Variants in LTB4R2 observed in about 807,000 individuals in gnomAD.
LTB4R2 encodes the protein leukotriene B4 receptor 2, also known as LTB4 receptor JULF2.
LTB4R2 carries 6 observed loss-of-function variants against 5.3 expected under a neutral mutation model. The ratio of observed to expected loss-of-function variants is 1.14; its 90% CI spans 0.62 to 2.24. LTB4R2 has a LOEUF of 2.24. Among genes scored for constraint, LTB4R2 ranks in the 30% most tolerant of loss-of-function variants. LTB4R2 has a pLI of 0.00. For synonymous variants in LTB4R2, 310 were observed against 264.2 expected (o/e 1.17, Z -1.68); for missense variants, 560 against 521.5 (o/e 1.07, Z -0.72).
intron 1 of LTB4R2, 169 bp downstream of exon 1, chr14:24,310,424 G>T (rs2041652564): frequency 1.5e-6 from 1 of 658,200 alleles, no homozygotes; most frequent in South Asian, 1.6e-5. Flanking sequence ...CTCTGGGAAG[G>T]AGGCCAGGAG....
rs377045409 is a variant in LTB4R2 at position 24,311,643 on chromosome 14, C to G, written c.979C>G (p.Leu327Val). ...CCGCTCTAGGGAAGGGACCATGGAG[C>G]TCCGAACTACCCCTCAGCTGAAAGT... ...GGRSREGTME[L>V]RTTPQLKVVG... The change falls in exon 2 of 2, where the codon CTC becomes GTC. Residue 327 changes from leucine (L) to valine (V), a missense_variant. By Grantham distance (32) the Leu-to-Val change is conservative. Coordinates refer to ENST00000533293, the MANE Select transcript of LTB4R2 (RefSeq NM_019839.5). 6.3e-4 allele frequency: 1,017 copies of G among 1,613,378 alleles called. 18 individuals carry two copies. In the South Asian group the frequency reaches 9.9e-3, roughly 16 times the overall value.
rs201654980 is a variant in LTB4R2, at chr14:24,311,497, T to C, written c.833T>C (p.Phe278Ser). ...AARAGTTALAFFSSSVNPVLY... is the reference protein window; with the variant it reads ...AARAGTTALASFSSSVNPVLY... ...CGAGCGGGAACTACGGCCTTGGCCT[T>C]CTTCAGTTCTAGCGTCAACCCGGTG... Residue 278 changes from phenylalanine (F) to serine (S), a missense_variant, in exon 2 of 2, where the codon TTC becomes TCC. Coordinates refer to ENST00000533293, the MANE Select transcript of LTB4R2 (RefSeq NM_019839.5). 551 of 1,602,026 alleles carry C rather than the reference T, an allele frequency of 3.4e-4. 3 individuals are homozygous for C. Among genetic ancestry groups the C allele is most frequent in the Non-Finnish European group, 4.0e-5 (47 of 1,179,968 alleles).
chr14:24,310,847 G>C lies in LTB4R2; in HGVS notation c.183G>C (p.Val61=), dbSNP rs781057522. The C allele has an allele frequency of 6.3e-7, 1 of 1,593,784 alleles. No individual in the cohort carries two copies. Among genetic ancestry groups the C allele is most frequent in the Non-Finnish European group, 8.5e-7 (1 of 1,175,942 alleles). The change falls in exon 2 of 2, where the codon GTG becomes GTC. Residue 61 remains valine (V), a synonymous_variant. Transcript: ENST00000533293. ...ARGRPLAATL[V]LHLALADGAV... Reference sequence around the variant, plus strand: ...GGCGACCGCTGGCGGCCACGCTTGTGCTGCACCTGGCGCTGGCCGACGGCG... The same window carrying C: ...GGCGACCGCTGGCGGCCACGCTTGTCCTGCACCTGGCGCTGGCCGACGGCG...
Position 24,311,544 on chromosome 14 carries a change from G to T in LTB4R2, c.880G>T (p.Asp294Tyr), listed in dbSNP as rs1364553545. 29 of 1,606,708 alleles carry T rather than the reference G, an allele frequency of 1.8e-5. No homozygotes were observed. Among genetic ancestry groups the T allele is most frequent in the Non-Finnish European group, 2.5e-5 (29 of 1,180,008 alleles). Residue 294 changes from aspartate (D) to tyrosine (Y), a missense_variant, in exon 2 of 2, where the codon GAT (aspartate) becomes TAT (tyrosine). By Grantham distance (160) the Asp-to-Tyr change is radical. Coordinates refer to ENST00000533293, the MANE Select transcript of LTB4R2 (RefSeq NM_019839.5). ...GGTGCTCTACGTCTTCACCGCTGGA[G>T]ATCTGCTGCCCCGGGCAGGTCCCCG... ...NPVLYVFTAG[D>Y]LLPRAGPRFL...
Position 24,311,668 on chromosome 14 carries a change from T to C in LTB4R2, c.1004T>C (p.Val335Ala). ...CTCCGAACTACCCCTCAGCTGAAAG[T>C]GGTGGGGCAGGGCCGCGGCAATGGA... ...MELRTTPQLKVVGQGRGNGDP... is the reference protein window; with the variant it reads ...MELRTTPQLKAVGQGRGNGDP... The change falls in exon 2 of 2, where the codon GTG (valine) becomes GCG (alanine). Residue 335 changes from valine (V) to alanine (A), a missense_variant. Val to Ala is a moderately conservative substitution (Grantham distance 64). Transcript: ENST00000533293. 6.2e-7 allele frequency: 1 copy of C among 1,611,838 alleles called. No individual in the cohort carries two copies. Among genetic ancestry groups the C allele is most frequent in the Non-Finnish European group, 8.5e-7 (1 of 1,178,844 alleles).
At position 24,311,527 on chromosome 14, in the gene LTB4R2, A is replaced by G; in HGVS notation, c.863A>G (p.Tyr288Cys). ...FFSSSVNPVL[Y>C]VFTAGDLLPR... ...AGTTCTAGCGTCAACCCGGTGCTCTACGTCTTCACCGCTGGAGATCTGCTG... is the reference window on the plus strand; with the variant it reads ...AGTTCTAGCGTCAACCCGGTGCTCTGCGTCTTCACCGCTGGAGATCTGCTG... Residue 288 changes from tyrosine (Y) to cysteine (C), a missense_variant, in exon 2 of 2, where the codon TAC becomes TGC. Physicochemically the swap from Tyr to Cys is radical, Grantham distance 194. Transcript: ENST00000533293. 6.2e-7 allele frequency: 1 copy of G among 1,604,344 alleles called. No homozygotes were observed. The highest frequency in any genetic ancestry group is 8.5e-7 in the Non-Finnish European group (1 of 1,179,988).
In LTB4R2 at chr14:24,311,056, G is replaced by A. The variant is rs1349596294; in HGVS notation, c.392G>A (p.Arg131Gln). 2 of 1,570,512 alleles carry A rather than the reference G, an allele frequency of 1.3e-6. No homozygotes were observed. Among genetic ancestry groups the A allele is most frequent in the African/African-American group, 2.8e-5 (2 of 71,548 alleles). ...GTCACCCGCCCCTTCCTGGCGCCTC[G>A]GCTGCGCAGCCCGGCCCTGGCCCGC... The part of the protein sequence containing the change: ...LAVTRPFLAP[R>Q]LRSPALARRL... Residue 131 changes from arginine (R) to glutamine (Q), a missense_variant, in exon 2 of 2, where the codon CGG (arginine) becomes CAG (glutamine). Transcript: ENST00000533293.
At position 24,311,681 on chromosome 14, in the gene LTB4R2, C is replaced by T; in HGVS notation, c.1017C>T (p.Gly339=). The part of the protein sequence containing the change: ...TTPQLKVVGQ[G]RGNGDPGGGM... The stretch of plus-strand genomic sequence containing the variant: ...CTCAGCTGAAAGTGGTGGGGCAGGG[C>T]CGCGGCAATGGAGACCCGGGGGGTG... The change falls in exon 2 of 2, where the codon GGC becomes GGT. Residue 339 remains glycine, a synonymous_variant. Transcript: ENST00000533293. 1 of 1,610,444 alleles carries T rather than the reference C, an allele frequency of 6.2e-7. No homozygotes were observed.
rs752726999 is a variant in LTB4R2 at position 24,310,968 on chromosome 14, G to A, written c.304G>A (p.Ala102Thr). Residue 102 changes from alanine to threonine, a missense_variant, in exon 2 of 2, where the codon GCG becomes ACG. Ala to Thr is a moderately conservative substitution (Grantham distance 58, BLOSUM62 0). Transcript: ENST00000533293. ...AGCKAVYYVC[A>T]LSMYASVLLT... ...CTGCAAGGCGGTGTACTACGTGTGC[G>A]CGCTCAGCATGTACGCCAGCGTGCT... 6.9e-6 allele frequency: 11 copies of A among 1,591,474 alleles called. No individual in the cohort carries two copies. The highest frequency in any genetic ancestry group is 4.6e-5 in the East Asian group (2 of 43,782).
rs1041281938 is a variant in LTB4R2 at position 24,310,838 on chromosome 14, C to T, written c.174C>T (p.Ala58=). ...CTGCACGGGGGCGACCGCTGGCGGC[C>T]ACGCTTGTGCTGCACCTGGCGCTGG... The part of the protein sequence containing the change: ...WRPARGRPLA[A]TLVLHLALAD... The change falls in exon 2 of 2, where the codon GCC becomes GCT. Residue 58 remains alanine (A), a synonymous_variant. Transcript: ENST00000533293. 5.0e-6 allele frequency: 8 copies of T among 1,595,074 alleles called. No individual in the cohort carries two copies. Among genetic ancestry groups the T allele is most frequent in the Non-Finnish European group, 6.8e-6 (8 of 1,175,994 alleles).
In LTB4R2 at chr14:24,311,357, T is replaced by A. The variant is rs1395232455; in HGVS notation, c.693T>A (p.Leu231=). 26 of 1,605,226 alleles carry A rather than the reference T, an allele frequency of 1.6e-5. No homozygotes were observed. Among genetic ancestry groups the A allele is most frequent in the Non-Finnish European group, 2.1e-5 (25 of 1,179,344 alleles). ...GCCGGCTGGTGAGCGCCATCGTGCT[T>A]GCCTTCGGCTTGCTCTGGGCCCCCT... ...RVGRLVSAIV[L]AFGLLWAPYH... The change falls in exon 2 of 2, where the codon CTT becomes CTA. Residue 231 remains leucine (L), a synonymous_variant. Coordinates refer to ENST00000533293, the MANE Select transcript of LTB4R2 (RefSeq NM_019839.5).
In LTB4R2 at chr14:24,311,171, G is replaced by C. The variant is rs758151831; in HGVS notation, c.507G>C (p.Gln169His). Residue 169 changes from glutamine (Q) to histidine (H), a missense_variant, in exon 2 of 2, where the codon CAG (glutamine) becomes CAC (histidine). Physicochemically the swap from Gln to His is conservative, Grantham distance 24. Coordinates refer to ENST00000533293, the MANE Select transcript of LTB4R2 (RefSeq NM_019839.5). ...YRHLWRDRVC[Q>H]LCHPSPVHAA... ...ACCTGTGGAGGGACCGCGTATGCCA[G>C]CTGTGCCACCCGTCGCCGGTCCACG... 2.2e-5 allele frequency: 36 copies of C among 1,606,036 alleles called. No individual in the cohort carries two copies. In the East Asian group the frequency reaches 7.9e-4, roughly 35 times the overall value.
In LTB4R2 at chr14:24,311,576, C is replaced by G; in HGVS notation, c.912C>G (p.Leu304=). ...TGCCCCGGGCAGGTCCCCGTTTCCTCACGCGGCTCTTCGAAGGCTCTGGGG... is the reference window on the plus strand; with the variant it reads ...TGCCCCGGGCAGGTCCCCGTTTCCTGACGCGGCTCTTCGAAGGCTCTGGGG... ...DLLPRAGPRF[L]TRLFEGSGEA... The change falls in exon 2 of 2, where the codon CTC becomes CTG. Residue 304 remains leucine, a synonymous_variant. Transcript: ENST00000533293. 6.2e-7 allele frequency: 1 copy of G among 1,611,034 alleles called. No homozygotes were observed. The highest frequency in any genetic ancestry group is 8.5e-7 in the Non-Finnish European group (1 of 1,180,014).
At position 24,311,042 on chromosome 14, in the gene LTB4R2, C is replaced by T. The variant is rs762169046; in HGVS notation, c.378C>T (p.Pro126=). 4.9e-5 allele frequency: 78 copies of T among 1,578,134 alleles called. No individual in the cohort carries two copies. The highest frequency in any genetic ancestry group is 1.7e-4 in the Middle Eastern group (1 of 5,940). The change falls in exon 2 of 2, where the codon CCC becomes CCT. Residue 126 remains proline (P), a synonymous_variant. Coordinates refer to ENST00000533293, the MANE Select transcript of LTB4R2 (RefSeq NM_019839.5). ...SLQRCLAVTR[P]FLAPRLRSPA... is the part of the protein sequence containing the mutation. Reference sequence around the variant, plus strand: ...AGCGCTGCCTCGCAGTCACCCGCCCCTTCCTGGCGCCTCGGCTGCGCAGCC... The same window carrying T: ...AGCGCTGCCTCGCAGTCACCCGCCCTTTCCTGGCGCCTCGGCTGCGCAGCC...
Position 24,311,740 on chromosome 14 carries a change from G to T in LTB4R2, c.1076G>T (p.Ter359LeuextTer33). The change falls in exon 2 of 2, where the codon TGA becomes TTA. Residue 359 changes from the stop codon to leucine (L), a stop_lost. Coordinates refer to ENST00000533293, the MANE Select transcript of LTB4R2 (RefSeq NM_019839.5). ...AAGGACGGTCCGGAATGGGACCTTT[G>T]ACAGCAGACCCTACAACCTGCTGCC... ...MEKDGPEWDL[*>L] The T allele has an allele frequency of 6.4e-7, 1 of 1,572,460 alleles. No homozygotes were observed. The highest frequency in any genetic ancestry group is 8.6e-7 in the Non-Finnish European group (1 of 1,157,098).
rs865984058 is a variant in LTB4R2 at position 24,311,461 on chromosome 14, G to A, written c.797G>A (p.Gly266Asp). 1 of 1,601,214 alleles carries A rather than the reference G, an allele frequency of 6.2e-7. No homozygotes were observed. The highest frequency in any genetic ancestry group is 8.5e-7 in the Non-Finnish European group (1 of 1,179,902). Reference sequence around the variant, plus strand: ...GCCTTGGCGAAGCTGGGCGGAGCCGGCCAGGCGGCGCGAGCGGGAACTACG... The same window carrying A: ...GCCTTGGCGAAGCTGGGCGGAGCCGACCAGGCGGCGCGAGCGGGAACTACG... The part of the protein sequence containing the change: ...EGALAKLGGA[G>D]QAARAGTTAL... Residue 266 changes from glycine (G) to aspartate (D), a missense_variant, in exon 2 of 2, where the codon GGC (glycine) becomes GAC (aspartate). By Grantham distance (94) the Gly-to-Asp change is moderately conservative. Transcript: ENST00000533293.
intron 1 of LTB4R2, 143 bp from the exon 2 acceptor site, chr14:24,310,512 C>T (rs892830487): frequency 2.1e-5 from 18 of 838,772 alleles, no homozygotes; most frequent in Non-Finnish European, 3.4e-5. Context: ...TCTGGGTCCT[C>T]GTGGAAGTCA....
In LTB4R2 at chr14:24,311,466, G is replaced by T. The variant is rs766951406; in HGVS notation, c.802G>T (p.Ala268Ser). The change falls in exon 2 of 2, where the codon GCG becomes TCG. Residue 268 changes from alanine to serine, a missense_variant. Ala to Ser is a moderately conservative substitution (Grantham distance 99, BLOSUM62 1). Transcript: ENST00000533293. Reference sequence around the variant, plus strand: ...GGCGAAGCTGGGCGGAGCCGGCCAGGCGGCGCGAGCGGGAACTACGGCCTT... The same window carrying T: ...GGCGAAGCTGGGCGGAGCCGGCCAGTCGGCGCGAGCGGGAACTACGGCCTT... The part of the protein sequence containing the change: ...ALAKLGGAGQ[A>S]ARAGTTALAF... 6 of 1,601,236 alleles carry T rather than the reference G, an allele frequency of 3.7e-6. No homozygotes were observed. In the East Asian group the frequency reaches 1.1e-4, roughly 30 times the overall value.
At chr14:24,310,549 C>T (rs1215009977) in intron 1 of LTB4R2, 106 bp from the exon 2 acceptor site, 1 of 1,130,406 alleles carries the variant, frequency 8.8e-7, no homozygotes, top group Non-Finnish European at 1.3e-6. Context: ...AAGAGGCAGG[C>T]TGCAGGGAAG....
Sources: allele counts gnomAD v4.1 joint callset, GRCh38; gene constraint gnomAD v4.1.1; transcripts MANE v1.5; gene names NCBI Gene and HGNC (gene_info 2026-07-23, HGNC 2026-07-21).